Variants in STK32B observed in about 807,000 individuals in gnomAD.
The protein encoded by STK32B is serine/threonine-protein kinase 32B.
In STK32B, 43 loss-of-function variants were observed where a neutral mutation model predicts 52.6. The observed-to-expected ratio is 0.82, with a 90% confidence interval of 0.64 to 1.05. The LOEUF (loss-of-function observed/expected upper bound fraction) is 1.05, where lower values mean the gene tolerates loss of function less well. STK32B is among the 50% of genes least tolerant of loss of function. The probability of loss-of-function intolerance (pLI) is 0.00; values close to 1 mark genes in which losing one functional copy is unlikely to be tolerated. For synonymous variants in STK32B, 238 were observed against 204.3 expected (o/e 1.17, Z -1.41); for missense variants, 621 against 534.6 (o/e 1.16, Z -1.59).
At chr4:5,271,746 A>C (rs915363876) in intron 3 of STK32B, among the ~76,000 whole-genome samples, 3 of 144,534 alleles carry the variant, frequency 2.1e-5, no homozygotes, top group African/African-American at 8.6e-5. Context: ...ATTCCTAAGT[A>C]TTTTATTGTC....
chr4:5,198,071 C>T (rs1392804334), intron 3 of STK32B, among the ~76,000 whole-genome samples: 3 of 152,160 alleles, frequency 2.0e-5, no homozygotes, highest in African/African-American at 7.2e-5. Flanking sequence ...AAACTACCCC[C>T]TATGATGAAC....
intron 4 of STK32B, among the ~76,000 whole-genome samples, chr4:5,351,415 A>G (rs1388140394): frequency 6.6e-6 from 1 of 152,074 alleles, no homozygotes; most frequent in Admixed American, 6.5e-5. Context: ...CTTAAAACAA[A>G]TGAAAACCAA....
intron 1 of STK32B, among the ~76,000 whole-genome samples, chr4:5,062,580 C>G (rs1742257865): frequency 6.6e-6 from 1 of 152,118 alleles, no homozygotes; most frequent in Non-Finnish European, 1.5e-5. Flanking sequence ...AATCTCAGCT[C>G]CCATTGCAAG....
At position 5,467,025 on chromosome 4, in the gene STK32B, C is replaced by G. The variant is rs1018969; in HGVS notation, c.1041+191C>G. 4.7e-3 allele frequency among the ~76,000 whole-genome samples: 713 copies of G among 152,090 alleles called. 5 individuals are homozygous for G. The highest frequency in any genetic ancestry group is 0.016 in the African/African-American group (668 of 41,526). On this transcript the variant is annotated intron_variant, in intron 10 of 11. Coordinates refer to ENST00000282908, the MANE Select transcript of STK32B (RefSeq NM_018401.3). The surrounding 1 kb of genome is among the most constrained non-coding windows in gnomAD (Gnocchi z 5.8). Reference sequence around the variant, plus strand: ...TGAAGTAAGGCATTCACACTCCTGGCATTCCTTGAGCGCTATTCCTACAGC... The same window carrying G: ...TGAAGTAAGGCATTCACACTCCTGGGATTCCTTGAGCGCTATTCCTACAGC...
intron 1 of STK32B, among the ~76,000 whole-genome samples, chr4:5,131,447 A>G (rs1715765944): frequency 6.6e-6 from 1 of 151,916 alleles, no homozygotes; most frequent in African/African-American, 2.4e-5. Context: ...AACAGACCAT[A>G]TTTTTCGTTC....
At position 5,058,516 on chromosome 4, in the gene STK32B, C is replaced by T. The variant is rs901003541; in HGVS notation, c.52+6601C>T. Among the ~76,000 whole-genome samples, 2 of 152,202 alleles carry T rather than the reference C, an allele frequency of 1.3e-5. No individual in the cohort carries two copies. Among genetic ancestry groups the T allele is most frequent in the Non-Finnish European group, 2.9e-5 (2 of 68,028 alleles). On this transcript the variant is annotated intron_variant, in intron 1 of 11. Coordinates refer to ENST00000282908, the MANE Select transcript of STK32B (RefSeq NM_018401.3). This position sits in a 1 kb window ranked among gnomAD's most constrained non-coding sequence, Gnocchi z 4.8. ...CACACTCACTGCTAGCCAGCCTGCA[C>T]TGAGACATGGCATGAGTGGGACAGA...
At chr4:5,391,176 G>A (rs1160585869) in intron 4 of STK32B, among the ~76,000 whole-genome samples, 1 of 151,778 alleles carries the variant, frequency 6.6e-6, no homozygotes, top group Non-Finnish European at 1.5e-5. Flanking sequence ...AGCCAGGATG[G>A]TCTCGATCTC....
chr4:5,174,343 T>G (rs529472264), intron 3 of STK32B, among the ~76,000 whole-genome samples: 55 of 152,272 alleles, frequency 3.6e-4, no homozygotes, highest in Admixed American at 6.5e-4. Flanking sequence ...ATCCTGTCAT[T>G]ATGATGTTAG....
chr4:5,302,706 T>A (rs1352772242), intron 3 of STK32B, among the ~76,000 whole-genome samples: 1 of 152,098 alleles, frequency 6.6e-6, no homozygotes, highest in African/African-American at 2.4e-5. Context: ...ACCCATCACC[T>A]GAGCAGTGTA....
At chr4:5,414,224 A>T (rs1360930228) in intron 5 of STK32B, among the ~76,000 whole-genome samples, 2 of 152,062 alleles carry the variant, frequency 1.3e-5, no homozygotes, top group South Asian at 2.1e-4. Flanking sequence ...TTTTTTTCAG[A>T]TGTAAAAATT....
At position 5,398,099 on chromosome 4, in the gene STK32B, A is replaced by T; in HGVS notation, c.435-108A>T. ...ATGTCTGAGGCTTCAGGTCAGGGAG[A>T]GGTGAGCAGCCTGGGTGTTCCAGCA... On this transcript the variant is annotated intron_variant, in intron 4 of 11. Transcript: ENST00000282908. The surrounding 1 kb of genome is among the most constrained non-coding windows in gnomAD (Gnocchi z 4.9). The T allele has an allele frequency of 8.4e-7, 1 of 1,188,564 alleles. No homozygotes were observed. The highest frequency in any genetic ancestry group is 1.2e-6 in the Non-Finnish European group (1 of 826,150). The allele number at this position is 1,188,564 out of a possible 1,614,324, so 73.6% of individuals were successfully genotyped here.
At chr4:5,414,408 C>G (rs986470241) in intron 5 of STK32B, among the ~76,000 whole-genome samples, 1 of 151,996 alleles carries the variant, frequency 6.6e-6, no homozygotes, top group East Asian at 1.9e-4. Flanking sequence ...GATATTCATC[C>G]AAAATGGAAT....
chr4:5,113,721 C>T (rs1020648373), intron 1 of STK32B, among the ~76,000 whole-genome samples: 1 of 152,240 alleles, frequency 6.6e-6, no homozygotes, highest in Admixed American at 6.5e-5. Flanking sequence ...GGTCTGCTTC[C>T]GCCTACCTGT....
At chr4:5,303,542 C>T (rs1369500413) in intron 3 of STK32B, among the ~76,000 whole-genome samples, 2 of 151,932 alleles carry the variant, frequency 1.3e-5, no homozygotes, top group East Asian at 1.9e-4. Flanking sequence ...TTGTTTTGTT[C>T]TTGCTGATTT....
intron 3 of STK32B, among the ~76,000 whole-genome samples, chr4:5,192,153 T>TTAGAAGA (rs1721259151): frequency 6.6e-6 from 1 of 152,198 alleles, no homozygotes; most frequent in Non-Finnish European, 1.5e-5. Flanking sequence ...AATGACAGGA[T>TTAGAAGA]CAGTTGAAGG....
intron 4 of STK32B, among the ~76,000 whole-genome samples, chr4:5,392,993 T>A (rs537169559): frequency 1.3e-5 from 2 of 152,078 alleles, no homozygotes; most frequent in East Asian, 3.8e-4. Flanking sequence ...GTAGAGATGA[T>A]GTGTTGTCAT....
chr4:5,211,652 C>G (rs968651678), intron 3 of STK32B, among the ~76,000 whole-genome samples: 6 of 152,168 alleles, frequency 3.9e-5, no homozygotes, highest in African/African-American at 1.2e-4. Flanking sequence ...CCCTGCCAGC[C>G]TTCTCTCTTC....
In STK32B at chr4:5,399,303, C is replaced by T. The variant is rs1424078068; in HGVS notation, c.472+1059C>T. Among the ~76,000 whole-genome samples, 1 of 152,132 alleles carries T rather than the reference C, an allele frequency of 6.6e-6. No homozygotes were observed. The highest frequency in any genetic ancestry group is 1.5e-5 in the Non-Finnish European group (1 of 68,030). The stretch of plus-strand genomic sequence containing the variant: ...CACATTTTCTACGCAGCTCCCCCAC[C>T]CTCCTTCCCCACCTCTGCAGGCTGA... On this transcript the variant is annotated intron_variant, in intron 5 of 11. Coordinates refer to ENST00000282908, the MANE Select transcript of STK32B (RefSeq NM_018401.3). The surrounding 1 kb of genome is among the most constrained non-coding windows in gnomAD (Gnocchi z 5.4).
chr4:5,382,347 A>G (rs772751088), intron 4 of STK32B, among the ~76,000 whole-genome samples: 3 of 152,148 alleles, frequency 2.0e-5, no homozygotes, highest in Admixed American at 6.5e-5. Flanking sequence ...CATATCCTAC[A>G]CCACAGAAAA....
Sources: allele counts gnomAD v4.1 joint callset (sites outside exome capture counted in the v4.1 genomes callset), GRCh38; gene constraint gnomAD v4.1.1; non-coding constraint Gnocchi (gnomAD v3.1); transcripts MANE v1.5; gene names NCBI Gene and HGNC (gene_info 2026-07-23, HGNC 2026-07-21).